LRRTM4: variants seen among roughly 807,000 people sequenced by gnomAD.
LRRTM4 encodes leucine rich repeat transmembrane neuronal 4.
LRRTM4 carries 25 observed loss-of-function variants against 47.6 expected under a neutral mutation model. That is an observed-to-expected ratio of 0.53 (90% CI 0.38 to 0.73). The LOEUF (loss-of-function observed/expected upper bound fraction) is 0.73. Ranked by LOEUF, LRRTM4 falls within the 30% of genes least tolerant of loss-of-function variation. LRRTM4 has a pLI of 0.00. For synonymous variants in LRRTM4, 311 were observed against 269.5 expected (o/e 1.15, Z -1.51); for missense variants, 638 against 713.4 (o/e 0.89, Z 1.20).
At chr2:76,781,742 C>T (rs1166447733) in intron 3 of LRRTM4, among the ~76,000 whole-genome samples, 2 of 132,986 alleles carry the variant, frequency 1.5e-5, no homozygotes, top group East Asian at 1.9e-4. Flanking sequence ...GAGCTATAGA[C>T]CGGAGCTGTT....
Position 76,825,056 on chromosome 2 carries a change from G to A in LRRTM4, c.1552-76140C>T, listed in dbSNP as rs534484593. ...ACTTTTTCAAGTGCTGGGATACGGC[G>A]ATAGAACGTAAAGACCTAGAGCTCA... On this transcript the variant is annotated intron_variant, in intron 3 of 3. Transcript: ENST00000409884. Among the ~76,000 whole-genome samples, 12 of 151,630 alleles carry A rather than the reference G, an allele frequency of 7.9e-5. 1 individual carries two copies. Among genetic ancestry groups the A allele is most frequent in the South Asian group, 4.1e-4 (2 of 4,822 alleles).
chr2:77,153,028 A>G (rs1266486750), intron 3 of LRRTM4, among the ~76,000 whole-genome samples: 3 of 152,168 alleles, frequency 2.0e-5, no homozygotes, highest in Non-Finnish European at 4.4e-5. Flanking sequence ...TAGAACTCTA[A>G]AAAGAAAAAA....
intron 3 of LRRTM4, among the ~76,000 whole-genome samples, chr2:77,263,822 C>T (rs574951900): frequency 1.1e-3 from 162 of 152,042 alleles, no homozygotes; most frequent in African/African-American, 3.7e-3. Flanking sequence ...AAGTTACTTG[C>T]TTGTATGTTT....
intron 3 of LRRTM4, among the ~76,000 whole-genome samples, chr2:77,252,007 C>G (rs558458083): frequency 3.3e-5 from 5 of 152,182 alleles, no homozygotes; most frequent in East Asian, 1.9e-4. Flanking sequence ...ATATTCCCTA[C>G]GACTTGCAGA....
intron 3 of LRRTM4, among the ~76,000 whole-genome samples, chr2:76,853,794 G>T (rs1672066365): frequency 6.6e-6 from 1 of 152,116 alleles, no homozygotes; most frequent in Non-Finnish European, 1.5e-5. Flanking sequence ...ATACAGAATT[G>T]TGTTTTTCTG....
At chr2:77,043,677 G>T (rs766252793) in intron 3 of LRRTM4, among the ~76,000 whole-genome samples, 9 of 151,736 alleles carry the variant, frequency 5.9e-5, no homozygotes, top group Non-Finnish European at 1.0e-4. Flanking sequence ...ATATAAATGT[G>T]CAGATTACAG....
intron 3 of LRRTM4, among the ~76,000 whole-genome samples, chr2:77,121,166 A>G (rs545091659): frequency 6.6e-6 from 1 of 151,976 alleles, no homozygotes; most frequent in South Asian, 2.1e-4. Context: ...CAAATTAGGA[A>G]TGCAACATTT....
intron 3 of LRRTM4, among the ~76,000 whole-genome samples, chr2:77,123,221 G>GAGAGAGAA (rs1671564719): frequency 6.6e-6 from 1 of 151,508 alleles, no homozygotes; most frequent in Admixed American, 6.6e-5. Flanking sequence ...CACAGAGAGA[G>GAGAGAGAA]AGAGAGAGAG....
At chr2:77,244,751 C>T (rs747143862) in intron 3 of LRRTM4, among the ~76,000 whole-genome samples, 7 of 152,154 alleles carry the variant, frequency 4.6e-5, no homozygotes, top group Non-Finnish European at 1.0e-4. Context: ...CTATTTTGCT[C>T]CTCCCTTTCT....
At chr2:77,448,680 C>T (rs1676144663) in intron 3 of LRRTM4, among the ~76,000 whole-genome samples, 1 of 152,060 alleles carries the variant, frequency 6.6e-6, no homozygotes, top group East Asian at 1.9e-4. Flanking sequence ...GAGAGAGAGT[C>T]TCTTGGAGGT....
chr2:76,904,142 A>G (rs934102900), intron 3 of LRRTM4, among the ~76,000 whole-genome samples: 1 of 152,238 alleles, frequency 6.6e-6, no homozygotes, highest in Non-Finnish European at 1.5e-5. Flanking sequence ...GAAGCATAGT[A>G]TAATTGAGAC....
intron 3 of LRRTM4, among the ~76,000 whole-genome samples, chr2:77,409,608 T>C (rs1261943967): frequency 6.6e-6 from 1 of 152,204 alleles, no homozygotes; most frequent in East Asian, 1.9e-4. Context: ...TTTAAGACTT[T>C]TTTTCTTTTG....
chr2:77,326,003 T>C (rs1670758709), intron 3 of LRRTM4, among the ~76,000 whole-genome samples: 1 of 152,198 alleles, frequency 6.6e-6, no homozygotes, highest in African/African-American at 2.4e-5. Context: ...TTCTGACCTT[T>C]CCTCACTCTG....
chr2:77,001,292 A>G (rs1013853534), intron 3 of LRRTM4, among the ~76,000 whole-genome samples: 2 of 152,036 alleles, frequency 1.3e-5, no homozygotes, highest in Non-Finnish European at 2.9e-5. Flanking sequence ...GTGAATTCTG[A>G]TTATTGTTTT....
chr2:76,784,480 T>A (rs977355750), intron 3 of LRRTM4, among the ~76,000 whole-genome samples: 6 of 152,110 alleles, frequency 3.9e-5, no homozygotes, highest in Non-Finnish European at 8.8e-5. Flanking sequence ...TACATAGATA[T>A]ATGAATGCTG....
intron 3 of LRRTM4, among the ~76,000 whole-genome samples, chr2:77,428,146 T>A (rs1288332747): frequency 6.6e-6 from 1 of 152,178 alleles, no homozygotes; most frequent in Non-Finnish European, 1.5e-5. Flanking sequence ...CTTTCCTTTC[T>A]GTCATGATTG....
intron 3 of LRRTM4, among the ~76,000 whole-genome samples, chr2:76,805,218 A>G (rs535484946): frequency 6.6e-6 from 1 of 152,268 alleles, no homozygotes; most frequent in Admixed American, 6.5e-5. Context: ...CTTGTGGGAA[A>G]AAGCCCTAAA....
intron 3 of LRRTM4, among the ~76,000 whole-genome samples, chr2:76,876,244 T>G (rs1020780982): frequency 6.6e-6 from 1 of 152,184 alleles, no homozygotes; most frequent in Non-Finnish European, 1.5e-5. Context: ...TAAATAATGT[T>G]CTTTTATAAT....
intron 3 of LRRTM4, among the ~76,000 whole-genome samples, chr2:76,896,306 A>G (rs1253804836): frequency 6.6e-6 from 1 of 152,042 alleles, no homozygotes; most frequent in Non-Finnish European, 1.5e-5. Flanking sequence ...TTTAGATAAT[A>G]AACACTCAAA....
Sources: allele counts gnomAD v4.1 joint callset (sites outside exome capture counted in the v4.1 genomes callset), GRCh38; gene constraint gnomAD v4.1.1; transcripts MANE v1.5; gene names NCBI Gene and HGNC (gene_info 2026-07-23, HGNC 2026-07-21).